Variants in TRAF7 observed in about 807,000 individuals in gnomAD.
TRAF7 encodes TNF receptor associated factor 7.
TRAF7 carries 45 observed loss-of-function variants against 89.3 expected under a neutral mutation model. The ratio of observed to expected loss-of-function variants is 0.50; its 90% CI spans 0.40 to 0.65. The LOEUF (loss-of-function observed/expected upper bound fraction) is 0.65. Ranked by LOEUF, TRAF7 falls within the 30% of genes least tolerant of loss-of-function variation. The pLI, the probability that TRAF7 is intolerant of heterozygous loss-of-function variation, is 0.00. For synonymous variants in TRAF7, 406 were observed against 369.2 expected (o/e 1.10, Z -1.14); for missense variants, 677 against 918.1 (o/e 0.74, Z 3.39).
At position 2,159,533 on chromosome 16, in the gene TRAF7, T is replaced by C. The variant is rs1179750954; in HGVS notation, c.-39+3675T>C. Among the ~76,000 whole-genome samples, 1 of 151,912 alleles carries C rather than the reference T, an allele frequency of 6.6e-6. No individual in the cohort carries two copies. Among genetic ancestry groups the C allele is most frequent in the Non-Finnish European group, 1.5e-5 (1 of 67,956 alleles). On this transcript the variant is annotated intron_variant, in intron 1 of 20. Transcript: ENST00000326181. The surrounding 1 kb of genome is among the most constrained non-coding windows in gnomAD (Gnocchi z 6.5). ...CCTGTTTCTATAGAATTTAGCGGCC[T>C]GGGCTTGGGCCAGGGGGCTGAGGCA...
chr16:2,164,159 TGCGC>T (rs61245743), intron 2 of TRAF7, among the ~76,000 whole-genome samples, 158 bp downstream of exon 2: 2,758 of 126,054 alleles, frequency 0.022, 39 homozygotes, highest in African/African-American at 0.032. Context: ...TGTGTGTGTG[TGCGC>T]GCGCGCGCGC....
chr16:2,164,410 G>A (rs181559376), intron 2 of TRAF7, among the ~76,000 whole-genome samples: 12 of 145,578 alleles, frequency 8.2e-5, no homozygotes, highest in Non-Finnish European at 1.4e-4. Flanking sequence ...ATGGTTAAGC[G>A]TGTGAGTGCT....
chr16:2,172,371 G>A lies in TRAF7; in HGVS notation c.656G>A (p.Arg219Gln), dbSNP rs914029813. The A allele has an allele frequency of 7.4e-6, 12 of 1,611,568 alleles. No homozygotes were observed. Among genetic ancestry groups the A allele is most frequent in the African/African-American group, 1.3e-5 (1 of 74,918 alleles). The part of the protein sequence containing the change: ...GCPFTIKLSA[R>Q]KDHEGSCDYR... ...CCCTTCACCATCAAGCTCAGCGCCC[G>A]GAAGTAAGTGCCCCTCCCTGGGCAC... The change falls in exon 8 of 21, where the codon CGG (arginine) becomes CAG (glutamine). Residue 219 changes from arginine to glutamine, a missense_variant. By Grantham distance (43) the Arg-to-Gln change is conservative. Around this residue, in one of 6 missense-constraint regions of TRAF7, gnomAD observed 238 missense variants for 352.6 expected, o/e 0.67. Transcript: ENST00000326181.
rs2141295120 is a variant in TRAF7, at chr16:2,175,570, C to T, written c.1574C>T (p.Ala525Val). The change falls in exon 17 of 21, where the codon GCC (alanine) becomes GTC (valine). Residue 525 changes from alanine to valine, a missense_variant. Physicochemically the swap from Ala to Val is moderately conservative, Grantham distance 64 (BLOSUM62 0). Transcript: ENST00000326181. ...ELTGLNHWVR[A>V]LVAAQSYLYS... ...ACAGGCCTCAACCACTGGGTGCGGG[C>T]CCTGGTGGCTGCCCAGAGCTACCTG... 1 of 1,613,044 alleles carries T rather than the reference C, an allele frequency of 6.2e-7. No individual in the cohort carries two copies. The highest frequency in any genetic ancestry group is 8.5e-7 in the Non-Finnish European group (1 of 1,179,976).
chr16:2,162,151 G>A lies in TRAF7; in HGVS notation c.-38-1732G>A, dbSNP rs574432923. 1.1e-4 allele frequency among the ~76,000 whole-genome samples: 16 copies of A among 152,374 alleles called. No homozygotes were observed. Among genetic ancestry groups the A allele is most frequent in the South Asian group, 4.1e-4 (2 of 4,832 alleles). On this transcript the variant is annotated intron_variant, in intron 1 of 20. Transcript: ENST00000326181. The surrounding 1 kb of genome is among the most constrained non-coding windows in gnomAD (Gnocchi z 5.0). The stretch of plus-strand genomic sequence containing the variant: ...TGCCAACTGCAGGGGCTGAGATGTC[G>A]GGTTGAGCCCGAGTCCTGAAGGCTG...
Position 2,161,764 on chromosome 16 carries a change from C to A in TRAF7, c.-38-2119C>A, listed in dbSNP as rs2093059214. On this transcript the variant is annotated intron_variant, in intron 1 of 20. Coordinates refer to ENST00000326181, the MANE Select transcript of TRAF7 (RefSeq NM_032271.3). This position sits in a 1 kb window ranked among gnomAD's most constrained non-coding sequence, Gnocchi z 5.2. ...CCTTACCCCAGCTGGGACATCCTCA[C>A]CCCAAGCACAATGGCAAAAGGCAAG... Among the ~76,000 whole-genome samples, 1 of 152,214 alleles carries A rather than the reference C, an allele frequency of 6.6e-6. No individual in the cohort carries two copies. Among genetic ancestry groups the A allele is most frequent in the South Asian group, 2.1e-4 (1 of 4,836 alleles).
At chr16:2,170,794 G>A (rs993491454) in intron 5 of TRAF7, 64 bp downstream of exon 5, 2 of 1,465,364 alleles carry the variant, frequency 1.4e-6, no homozygotes, top group African/African-American at 1.4e-5. Context: ...TGGCACGGAG[G>A]CACCTTCCCC....
chr16:2,176,647 G>T lies in TRAF7; in HGVS notation c.*73G>T. 8 of 1,610,494 alleles carry T rather than the reference G, an allele frequency of 5.0e-6. No homozygotes were observed. In the South Asian group the frequency reaches 7.7e-5, roughly 16 times the overall value. On this transcript the variant is annotated 3_prime_UTR_variant, in exon 21 of 21. Coordinates refer to ENST00000326181, the MANE Select transcript of TRAF7 (RefSeq NM_032271.3). The stretch of plus-strand genomic sequence containing the variant: ...TTCTGAGCCAGGCTGGCCACATGGG[G>T]TGGTCTCGGGGTTTCTGCCTGCCCC...
In TRAF7 at chr16:2,163,948, A is replaced by G. The variant is rs188793383; in HGVS notation, c.28A>G (p.Asn10Asp). The change falls in exon 2 of 21, where the codon AAC becomes GAC. Residue 10 changes from asparagine to aspartate, a missense_variant. Coordinates refer to ENST00000326181, the MANE Select transcript of TRAF7 (RefSeq NM_032271.3). The surrounding 1 kb of genome is among the most constrained non-coding windows in gnomAD (Gnocchi z 4.3). ...GAGCTCAGGCAAGAGTGCCCGCTAC[A>G]ACCGCTTCTCCGGGGGGCCCAGCAA... MSSGKSARY[N>D]RFSGGPSNLP... 3 of 1,612,748 alleles carry G rather than the reference A, an allele frequency of 1.9e-6. No individual in the cohort carries two copies. Among genetic ancestry groups the G allele is most frequent in the Middle Eastern group, 1.6e-4 (1 of 6,062 alleles).
intron 1 of TRAF7, among the ~76,000 whole-genome samples, 164 bp downstream of exon 1, chr16:2,156,022 G>T (rs2093032318): frequency 6.6e-6 from 1 of 151,444 alleles, no homozygotes; most frequent in Non-Finnish European, 1.5e-5. Flanking sequence ...CGGGGTCAGG[G>T]TCGGGGTCCG....
At position 2,172,295 on chromosome 16, in the gene TRAF7, G is replaced by A; in HGVS notation, c.580G>A (p.Val194Ile). The A allele has an allele frequency of 6.2e-7, 1 of 1,612,852 alleles. No homozygotes were observed. The highest frequency in any genetic ancestry group is 8.5e-7 in the Non-Finnish European group (1 of 1,179,982). ...CATCCACTGCCGGCACGGCTGCCGG[G>A]TAGCGGGCAGCGGGAAGCCCCCCAT... ...LFIHCRHGCRVAGSGKPPIFE... is the reference protein window; with the variant it reads ...LFIHCRHGCRIAGSGKPPIFE... The change falls in exon 8 of 21, where the codon GTA (valine) becomes ATA (isoleucine). Residue 194 changes from valine to isoleucine, a missense_variant. Physicochemically the swap from Val to Ile is conservative, Grantham distance 29. Around this residue, in one of 6 missense-constraint regions of TRAF7, gnomAD observed 238 missense variants for 352.6 expected, o/e 0.67. Coordinates refer to ENST00000326181, the MANE Select transcript of TRAF7 (RefSeq NM_032271.3).
chr16:2,178,089 C>T lies in TRAF7; in HGVS notation c.*1515C>T, dbSNP rs2093148798. ...CTTTTTGTTTCTCTGGGGAAATCCG[C>T]CTCAGCTCATTCCCAATAAATTAAT... On this transcript the variant is annotated 3_prime_UTR_variant, in exon 21 of 21. Coordinates refer to ENST00000326181, the MANE Select transcript of TRAF7 (RefSeq NM_032271.3). The T allele has an allele frequency of 4.0e-6, 2 of 498,802 alleles. No homozygotes were observed. The highest frequency in any genetic ancestry group is 2.5e-5 in the Admixed American group (1 of 40,650). 30.9% of individuals were successfully genotyped at this position (498,802 alleles called of 1,614,324 possible).
chr16:2,156,806 G>A (rs1036616458), intron 1 of TRAF7, among the ~76,000 whole-genome samples: 4 of 152,164 alleles, frequency 2.6e-5, no homozygotes, highest in African/African-American at 7.2e-5. Flanking sequence ...TCCGATCTAG[G>A]TCCAGTAAAG....
chr16:2,175,202 G>A (rs1414699882), intron 15 of TRAF7, 52 bp downstream of exon 15: 1 of 1,613,012 alleles, frequency 6.2e-7, no homozygotes, highest in African/African-American at 1.3e-5. Flanking sequence ...GCCCGCCCCA[G>A]TCTGTAGGTG....
intron 2 of TRAF7, among the ~76,000 whole-genome samples, chr16:2,165,560 G>A: frequency 7.5e-6 from 1 of 133,660 alleles, no homozygotes; most frequent in South Asian, 2.5e-4. Flanking sequence ...GGTTTAGCGT[G>A]TTAGTGCTGC....
At chr16:2,173,863 G>GCCCCCCCCCCCCCC in intron 12 of TRAF7, 27 bp downstream of exon 12, 1 of 894,606 alleles carries the variant, frequency 1.1e-6, no homozygotes, top group Non-Finnish European at 1.5e-6. Context: ...CGTGGCTCCC[G>GCCCCCCCCCCCCCC]CCCACCCTCC....
intron 12 of TRAF7, 21 bp downstream of exon 12, chr16:2,173,857 G>GCGGGGGGGGGGCCCCC: frequency 6.2e-7 from 1 of 1,607,500 alleles, no homozygotes; most frequent in Non-Finnish European, 8.5e-7. Context: ...ACCCGCCGTG[G>GCGGGGGGGGGGCCCCC]CTCCCGCCCA....
At chr16:2,172,051 C>T in intron 7 of TRAF7, 140 bp from the exon 8 acceptor site, 1 of 976,196 alleles carries the variant, frequency 1.0e-6, no homozygotes, top group Non-Finnish European at 1.5e-6. Flanking sequence ...CTTGGTGGCC[C>T]ACCTGTGCCC....
In TRAF7 at chr16:2,175,547, A is replaced by G. The variant is rs762535110; in HGVS notation, c.1551A>G (p.Thr517=). 1.2e-6 allele frequency: 2 copies of G among 1,613,206 alleles called. No homozygotes were observed. The highest frequency in any genetic ancestry group is 4.5e-5 in the East Asian group (2 of 44,872). The change falls in exon 17 of 21, where the codon ACA becomes ACG. Residue 517 remains threonine (T), a synonymous_variant. Transcript: ENST00000326181. ...GTELKLKKEL[T]GLNHWVRALV... is the part of the protein sequence containing the mutation. Reference sequence around the variant, plus strand: ...AGCTGAAGTTGAAGAAGGAGCTCACAGGCCTCAACCACTGGGTGCGGGCCC... The same window carrying G: ...AGCTGAAGTTGAAGAAGGAGCTCACGGGCCTCAACCACTGGGTGCGGGCCC...
Sources: gnomAD v4.1 joint callset for allele counts (sites outside exome capture counted in the v4.1 genomes callset) on GRCh38, gnomAD v4.1.1 for gene constraint, gnomAD v4.1.1 regional missense constraint, Gnocchi (gnomAD v3.1) non-coding constraint, MANE v1.5 for transcripts, NCBI Gene and HGNC (gene_info 2026-07-23, HGNC 2026-07-21) for gene names.